Variants in DOCK2 observed in about 807,000 individuals in gnomAD.
DOCK2 encodes dedicator of cytokinesis 2.
Under a neutral mutation model 248.9 loss-of-function variants are expected in DOCK2, and 87 were observed. The observed-to-expected ratio is 0.35, with a 90% CI of 0.29 to 0.42. DOCK2 has a LOEUF of 0.42. Ranked by LOEUF, DOCK2 falls within the 10% of genes least tolerant of loss-of-function variation. The probability of loss-of-function intolerance (pLI) is 1.00; values close to 1 mark genes in which losing one functional copy is unlikely to be tolerated. For synonymous variants in DOCK2, 805 were observed against 821.6 expected (o/e 0.98, Z 0.35); for missense variants, 1,747 against 2,300.2 (o/e 0.76, Z 4.92).
chr5:170,001,215 C>A (rs1754819715), intron 30 of DOCK2, among the ~76,000 whole-genome samples: 2 of 152,162 alleles, frequency 1.3e-5, no homozygotes, highest in African/African-American at 4.8e-5. Context: ...CAGAGGAGGG[C>A]AGGCTGACTG....
chr5:169,828,677 T>G (rs1450767350), intron 26 of DOCK2, among the ~76,000 whole-genome samples: 1 of 152,200 alleles, frequency 6.6e-6, no homozygotes, highest in Non-Finnish European at 1.5e-5. Context: ...GTCTTTTGTA[T>G]GTGGTCAAGC....
chr5:169,948,396 C>T (rs1179328905), intron 27 of DOCK2, among the ~76,000 whole-genome samples: 1 of 152,074 alleles, frequency 6.6e-6, no homozygotes, highest in African/African-American at 2.4e-5. Flanking sequence ...TTGCACCTTT[C>T]TCTGTTTTTT....
Position 170,060,702 on chromosome 5 carries a change from T to C in DOCK2, c.4467+3036T>C, listed in dbSNP as rs575486084. Among the ~76,000 whole-genome samples, 225 of 152,326 alleles carry C rather than the reference T, an allele frequency of 1.5e-3. 2 individuals are homozygous for C. The South Asian group carries it at 0.022, about 15-fold the overall frequency. Reference sequence around the variant, plus strand: ...CAGCTCATAGGATTCCTGGGTAGACTTAAGAAGGCAATATTGGTAAAATGG... The same window carrying C: ...CAGCTCATAGGATTCCTGGGTAGACCTAAGAAGGCAATATTGGTAAAATGG... On this transcript the variant is annotated intron_variant, in intron 44 of 51. Transcript: ENST00000520908.
At chr5:170,056,150 G>A (rs1451001031) in intron 42 of DOCK2, among the ~76,000 whole-genome samples, 3 of 152,216 alleles carry the variant, frequency 2.0e-5, no homozygotes, top group Non-Finnish European at 4.4e-5. Flanking sequence ...CAGAGCAGGT[G>A]GAGCTCAGCT....
At chr5:169,819,023 C>T (rs1411236435) in intron 26 of DOCK2, among the ~76,000 whole-genome samples, 1 of 152,142 alleles carries the variant, frequency 6.6e-6, no homozygotes, top group Non-Finnish European at 1.5e-5. Flanking sequence ...CTAATACAGT[C>T]GTCAAATGTA....
chr5:169,826,493 T>A (rs1458321347), intron 26 of DOCK2, among the ~76,000 whole-genome samples: 1 of 152,096 alleles, frequency 6.6e-6, no homozygotes, highest in Non-Finnish European at 1.5e-5. Flanking sequence ...CCCCAAGGAC[T>A]GAATTCTCTG....
intron 27 of DOCK2, among the ~76,000 whole-genome samples, chr5:169,979,691 A>G (rs1379656396): frequency 6.6e-6 from 1 of 152,202 alleles, no homozygotes; most frequent in Non-Finnish European, 1.5e-5. Context: ...AATGCAGGTA[A>G]CTTGTCCAAA....
chr5:170,029,717 A>G (rs964324295), intron 34 of DOCK2, among the ~76,000 whole-genome samples: 12 of 152,166 alleles, frequency 7.9e-5, no homozygotes, highest in Admixed American at 2.0e-4. Context: ...CTAAGTGCAT[A>G]TTCTCTGATT....
chr5:169,883,588 C>T, intron 27 of DOCK2: 15 of 1,551,660 alleles, frequency 9.7e-6, no homozygotes, highest in Non-Finnish European at 1.3e-5. Context: ...GAAATGCTTC[C>T]TGAGACTGGG....
chr5:169,718,937 T>C (rs1401703999), intron 22 of DOCK2, 146 bp downstream of exon 22: 4 of 1,094,978 alleles, frequency 3.7e-6, no homozygotes, highest in Non-Finnish European at 5.0e-6. Context: ...TAGAGAGTAA[T>C]GAATATGTAA....
chr5:169,876,675 C>T (rs1025093610), intron 27 of DOCK2, among the ~76,000 whole-genome samples: 1 of 152,378 alleles, frequency 6.6e-6, no homozygotes, highest in South Asian at 2.1e-4. Context: ...TACGGGCTTA[C>T]ATTCAGCTTA....
At chr5:170,050,228 A>G in intron 40 of DOCK2, 28 bp from the exon 41 acceptor site, 1 of 1,610,450 alleles carries the variant, frequency 6.2e-7, no homozygotes. Flanking sequence ...GGGTCCCCAA[A>G]TCTCTAATGA....
chr5:169,729,292 A>G (rs1172873243), intron 22 of DOCK2, among the ~76,000 whole-genome samples: 2 of 152,214 alleles, frequency 1.3e-5, no homozygotes, highest in African/African-American at 4.8e-5. Context: ...TCTTCGTCAA[A>G]TGTACTTGAG....
intron 25 of DOCK2, among the ~76,000 whole-genome samples, chr5:169,768,246 T>G (rs188400427): frequency 7.2e-5 from 11 of 152,326 alleles, no homozygotes; most frequent in Non-Finnish European, 1.2e-4. Context: ...CACCAGAGAA[T>G]CTGGGATGTA....
At chr5:169,650,112 G>C (rs1485671883) in intron 1 of DOCK2, among the ~76,000 whole-genome samples, 1 of 152,100 alleles carries the variant, frequency 6.6e-6, no homozygotes, top group African/African-American at 2.4e-5. Flanking sequence ...TGGGGATTTT[G>C]TCTGTCTTAT....
At chr5:169,987,393 C>T (rs1427938240) in intron 29 of DOCK2, among the ~76,000 whole-genome samples, 1 of 152,154 alleles carries the variant, frequency 6.6e-6, no homozygotes, top group Non-Finnish European at 1.5e-5. Context: ...TCTACCAAAA[C>T]CACAAAGTCA....
At chr5:169,980,016 T>A (rs1033204876) in intron 27 of DOCK2, among the ~76,000 whole-genome samples, 1 of 152,190 alleles carries the variant, frequency 6.6e-6, no homozygotes, top group African/African-American at 2.4e-5. Context: ...GGTTTGTTTT[T>A]CTTTGCTTTT....
chr5:170,066,625 C>T (rs988998943), intron 44 of DOCK2, among the ~76,000 whole-genome samples: 4 of 152,200 alleles, frequency 2.6e-5, no homozygotes, highest in African/African-American at 9.6e-5. Flanking sequence ...GAACACTCTT[C>T]AGTATAGATC....
chr5:170,006,008 T>C (rs978166428), intron 30 of DOCK2, among the ~76,000 whole-genome samples: 1 of 152,234 alleles, frequency 6.6e-6, no homozygotes, highest in Admixed American at 6.5e-5. Context: ...CTCATTTCCA[T>C]GTCCTGTGGC....
Sources: allele counts gnomAD v4.1 joint callset (sites outside exome capture counted in the v4.1 genomes callset), GRCh38; gene constraint gnomAD v4.1.1; transcripts MANE v1.5; gene names NCBI Gene and HGNC (gene_info 2026-07-23, HGNC 2026-07-21).